STXBP5L: variants seen among roughly 807,000 people sequenced by gnomAD.
STXBP5L encodes syntaxin-binding protein 5-like.
A neutral mutation model predicts 144.5 loss-of-function variants in STXBP5L; 65 were observed. The ratio of observed to expected loss-of-function variants is 0.45; its 90% CI spans 0.37 to 0.55. STXBP5L has a LOEUF of 0.55. Among genes scored for constraint, STXBP5L ranks in the 20% least tolerant of loss-of-function variants. The probability of loss-of-function intolerance (pLI) is 0.00; values close to 1 mark genes in which losing one functional copy is unlikely to be tolerated. For synonymous variants in STXBP5L, 505 were observed against 469.6 expected, an observed-to-expected ratio of 1.08 and a Z score of -0.97; for missense variants, 1,298 against 1,405.5, an observed-to-expected ratio of 0.92 and a Z score of 1.22.
At chr3:120,989,893 G>T (rs1156403285) in intron 3 of STXBP5L, among the ~76,000 whole-genome samples, 2 of 152,068 alleles carry the variant, frequency 1.3e-5, no homozygotes, top group African/African-American at 4.8e-5. Flanking sequence ...TTTGAAAACT[G>T]GCACAAGACA....
intron 7 of STXBP5L, among the ~76,000 whole-genome samples, chr3:121,126,207 C>G (rs73189343): frequency 0.13 from 19,900 of 152,194 alleles, 1,622 homozygotes; most frequent in Non-Finnish European, 0.19. Context: ...AATACAGCCA[C>G]AAACCAAATC....
chr3:121,051,599 A>T (rs145084288), intron 5 of STXBP5L, among the ~76,000 whole-genome samples: 2,517 of 152,304 alleles, frequency 0.017, 65 homozygotes, highest in African/African-American at 0.057. Context: ...GTGTAGAGGG[A>T]AATTTATAGC....
At chr3:121,139,998 G>A (rs1182776467) in intron 7 of STXBP5L, among the ~76,000 whole-genome samples, 1 of 152,010 alleles carries the variant, frequency 6.6e-6, no homozygotes, top group African/African-American at 2.4e-5. Flanking sequence ...AAATAGACAT[G>A]TATATGCACA....
intron 9 of STXBP5L, among the ~76,000 whole-genome samples, chr3:121,161,066 G>T (rs2046308178): frequency 6.6e-6 from 1 of 151,712 alleles, no homozygotes; most frequent in South Asian, 2.1e-4. Context: ...AAATCATCAT[G>T]TCTTTTTTTA....
chr3:121,041,207 T>C (rs950094832), intron 3 of STXBP5L, among the ~76,000 whole-genome samples: 5 of 151,956 alleles, frequency 3.3e-5, no homozygotes, highest in African/African-American at 1.2e-4. Flanking sequence ...TGTAGATGTT[T>C]TATACTTTTA....
intron 20 of STXBP5L, among the ~76,000 whole-genome samples, chr3:121,355,650 G>A (rs937356742): frequency 6.6e-6 from 1 of 152,116 alleles, no homozygotes; most frequent in South Asian, 2.1e-4. Flanking sequence ...TTAGCTCGGA[G>A]AAGTTTGTTA....
chr3:121,264,280 C>G (rs2050480796), intron 18 of STXBP5L, among the ~76,000 whole-genome samples: 1 of 152,114 alleles, frequency 6.6e-6, no homozygotes, highest in East Asian at 1.9e-4. Context: ...TTGTCCCCAC[C>G]AGGCCTGCCT....
At chr3:121,060,599 T>A (rs908795680) in intron 5 of STXBP5L, among the ~76,000 whole-genome samples, 1 of 152,242 alleles carries the variant, frequency 6.6e-6, no homozygotes, top group Non-Finnish European at 1.5e-5. Context: ...ATCTGTCTTG[T>A]TCTGGACTGT....
intron 3 of STXBP5L, among the ~76,000 whole-genome samples, chr3:121,024,982 T>A (rs1272483461): frequency 3.3e-5 from 5 of 152,160 alleles, no homozygotes; most frequent in African/African-American, 9.6e-5. Context: ...AATGTTAAAA[T>A]GATAGTTTAA....
At chr3:121,080,522 G>C (rs1371984149) in intron 5 of STXBP5L, among the ~76,000 whole-genome samples, 1 of 152,042 alleles carries the variant, frequency 6.6e-6, no homozygotes, top group Non-Finnish European at 1.5e-5. Context: ...TGTGGTAGTG[G>C]CAAATTCTCT....
intron 16 of STXBP5L, among the ~76,000 whole-genome samples, chr3:121,255,762 T>C (rs2050188991): frequency 1.3e-5 from 2 of 151,896 alleles, no homozygotes; most frequent in South Asian, 4.1e-4. Context: ...CCTTACCTAA[T>C]CTTAATTTTT....
intron 18 of STXBP5L, among the ~76,000 whole-genome samples, chr3:121,262,443 A>G (rs569036664): frequency 6.6e-6 from 1 of 152,300 alleles, no homozygotes; most frequent in South Asian, 2.1e-4. Context: ...CAGCCTGGCA[A>G]ACATGGTGAA....
intron 19 of STXBP5L, 141 bp from the exon 20 acceptor site, chr3:121,318,333 TC>T (rs2043851914): frequency 2.3e-6 from 1 of 427,810 alleles, no homozygotes; most frequent in Non-Finnish European, 4.2e-6. Flanking sequence ...TTTTTAAAAT[TC>T]AGAATAATTG....
At chr3:121,001,685 G>A (rs893923319) in intron 3 of STXBP5L, among the ~76,000 whole-genome samples, 2 of 152,134 alleles carry the variant, frequency 1.3e-5, no homozygotes, top group African/African-American at 2.4e-5. Flanking sequence ...GAGCTTCGTG[G>A]GGCCAGGAAT....
chr3:121,065,763 C>T (rs1354517123), intron 5 of STXBP5L, among the ~76,000 whole-genome samples: 1 of 152,030 alleles, frequency 6.6e-6, no homozygotes, highest in Non-Finnish European at 1.5e-5. Flanking sequence ...TTTTTTGTTG[C>T]AGGGTCTCAC....
intron 20 of STXBP5L, among the ~76,000 whole-genome samples, chr3:121,363,959 G>A (rs559211539): frequency 3.3e-5 from 5 of 152,128 alleles, no homozygotes; most frequent in South Asian, 2.1e-4. Flanking sequence ...TATATGATTA[G>A]CAAATATTTT....
At chr3:121,395,028 G>A (rs1004902381) in intron 22 of STXBP5L, among the ~76,000 whole-genome samples, 1 of 151,704 alleles carries the variant, frequency 6.6e-6, no homozygotes, top group African/African-American at 2.4e-5. Context: ...TGCCAGAATA[G>A]GGCCCCTTCT....
At chr3:121,029,060 C>T (rs893863264) in intron 3 of STXBP5L, among the ~76,000 whole-genome samples, 5 of 152,122 alleles carry the variant, frequency 3.3e-5, no homozygotes, top group Admixed American at 3.3e-4. Context: ...ACATTTCATG[C>T]TCATGGATAG....
chr3:121,012,882 C>A (rs532769735), intron 3 of STXBP5L, among the ~76,000 whole-genome samples: 2 of 151,870 alleles, frequency 1.3e-5, no homozygotes, highest in Admixed American at 1.3e-4. Context: ...ATTTATGGTT[C>A]CTATCTTTGT....
Sources: gnomAD v4.1 joint callset for allele counts (sites outside exome capture counted in the v4.1 genomes callset) on GRCh38, gnomAD v4.1.1 for gene constraint, MANE v1.5 for transcripts, NCBI Gene and HGNC (gene_info 2026-07-23, HGNC 2026-07-21) for gene names.